The following FTO variants were observed in gnomAD, a reference collection of about 807,000 sequenced individuals.
FTO encodes alpha-ketoglutarate-dependent dioxygenase FTO.
A neutral mutation model predicts 63.9 loss-of-function variants in FTO; 47 were observed. The ratio of observed to expected loss-of-function variants is 0.74; its 90% confidence interval spans 0.58 to 0.94. FTO has a LOEUF of 0.94. Among genes scored for constraint, FTO ranks in the 40% least tolerant of loss-of-function variants. FTO has a pLI of 0.00. For synonymous variants in FTO, 207 were observed against 224.4 expected, an observed-to-expected ratio of 0.92 and a Z score of 0.69; for missense variants, 562 against 618.1, an observed-to-expected ratio of 0.91 and a Z score of 0.96.
chr16:53,770,404 G>A (rs1230813413), intron 1 of FTO, among the ~76,000 whole-genome samples: 2 of 152,006 alleles, frequency 1.3e-5, no homozygotes, highest in South Asian at 4.1e-4. Context: ...AAATTCAAAC[G>A]AAAAATCTTC....
intron 8 of FTO, among the ~76,000 whole-genome samples, chr16:53,940,662 C>G (rs997484111): frequency 6.6e-6 from 1 of 152,090 alleles, no homozygotes; most frequent in Admixed American, 6.5e-5. Flanking sequence ...TCATTTGGGT[C>G]GAAGGAGCCT....
intron 1 of FTO, among the ~76,000 whole-genome samples, chr16:53,805,794 G>T (rs1317223887): frequency 6.6e-6 from 1 of 152,180 alleles, no homozygotes. Context: ...TACTTTGCTA[G>T]AGCTGTGGAA....
At chr16:53,840,530 C>A (rs1164465477) in intron 3 of FTO, among the ~76,000 whole-genome samples, 1 of 152,162 alleles carries the variant, frequency 6.6e-6, no homozygotes, top group Non-Finnish European at 1.5e-5. Flanking sequence ...GGGCCAGAAA[C>A]AAGTACTTTT....
chr16:53,899,902 A>G (rs918636895), intron 7 of FTO, among the ~76,000 whole-genome samples: 2 of 152,228 alleles, frequency 1.3e-5, no homozygotes, highest in African/African-American at 4.8e-5. Flanking sequence ...GCTTATCTGA[A>G]TACATGAAGC....
intron 4 of FTO, among the ~76,000 whole-genome samples, chr16:53,868,925 G>A (rs759681182): frequency 2.0e-5 from 3 of 151,908 alleles, no homozygotes; most frequent in East Asian, 1.9e-4. Context: ...TCCGCCTCCC[G>A]GGTTCAAGCG....
rs578236526 is a variant in FTO at position 53,766,258 on chromosome 16, C to G, written c.46-43882C>G. Among the ~76,000 whole-genome samples, 9 of 152,290 alleles carry G rather than the reference C, an allele frequency of 5.9e-5. No individual in the cohort carries two copies. In the East Asian group the frequency reaches 7.7e-4, roughly 13 times the overall value. On this transcript the variant is annotated intron_variant, in intron 1 of 8. Coordinates refer to ENST00000471389, the MANE Select transcript of FTO (RefSeq NM_001080432.3). Reference sequence around the variant, plus strand: ...GTTTCTTTTTGGAGATGGGGTCTCACTCTGTTGCCCAGGCCGGAGTGCAGT... The same window carrying G: ...GTTTCTTTTTGGAGATGGGGTCTCAGTCTGTTGCCCAGGCCGGAGTGCAGT...
chr16:53,862,003 GCA>G (rs2080187815), intron 4 of FTO, among the ~76,000 whole-genome samples: 2 of 152,140 alleles, frequency 1.3e-5, no homozygotes, highest in South Asian at 4.1e-4. Flanking sequence ...TGTAATCCCA[GCA>G]CTTTGGGAGG....
At chr16:53,888,690 G>T in intron 6 of FTO, 142 bp from the exon 7 acceptor site, 2 of 878,292 alleles carry the variant, frequency 2.3e-6, no homozygotes, top group Admixed American at 3.4e-5. Context: ...CTTACACTGG[G>T]AACTGGTTAG....
chr16:53,968,988 A>G (rs2083257500), intron 8 of FTO, among the ~76,000 whole-genome samples: 2 of 152,172 alleles, frequency 1.3e-5, no homozygotes, highest in African/African-American at 4.8e-5. Context: ...ATGGGGCAAA[A>G]GTTATTATTT....
chr16:53,731,568 A>T (rs796982575), intron 1 of FTO, among the ~76,000 whole-genome samples: 1 of 151,944 alleles, frequency 6.6e-6, no homozygotes, highest in Non-Finnish European at 1.5e-5. Flanking sequence ...ATTTAATTTA[A>T]TTTAATTTAA....
chr16:53,811,339 C>T (rs1397775428), intron 2 of FTO, among the ~76,000 whole-genome samples: 1 of 152,200 alleles, frequency 6.6e-6, no homozygotes, highest in East Asian at 1.9e-4. Flanking sequence ...TAGGTCACAG[C>T]ATCTTTGTAT....
At chr16:53,850,809 C>G (rs1054694500) in intron 4 of FTO, among the ~76,000 whole-genome samples, 1 of 151,994 alleles carries the variant, frequency 6.6e-6, no homozygotes, top group Admixed American at 6.6e-5. Context: ...GCTTTTAAGG[C>G]TATGAAAATG....
At chr16:53,760,205 GGTGTGTGTGTGTGTGTGTGTGT>G (rs1173270081) in intron 1 of FTO, among the ~76,000 whole-genome samples, 2 of 125,592 alleles carry the variant, frequency 1.6e-5, no homozygotes, top group South Asian at 5.7e-4. Context: ...CTTCAGCTTT[GGTGTGTGTGTGTGTGTGTGTGT>G]GTGTGTGTGT....
rs553129067 is a variant in FTO, at chr16:54,028,711, G to T, written c.1365-83051G>T. 1.8e-4 allele frequency among the ~76,000 whole-genome samples: 27 copies of T among 152,040 alleles called. No individual in the cohort carries two copies. In the East Asian group the frequency reaches 2.1e-3, roughly 12 times the overall value. On this transcript the variant is annotated intron_variant, in intron 8 of 8. Transcript: ENST00000471389. ...TAGTGATGTAGATTGGTATTTTATT[G>T]TATACACTATATACAGTATTTAAAA...
At chr16:54,019,229 A>G (rs2084531449) in intron 8 of FTO, among the ~76,000 whole-genome samples, 1 of 152,148 alleles carries the variant, frequency 6.6e-6, no homozygotes, top group African/African-American at 2.4e-5. Flanking sequence ...CAAGACTGGC[A>G]AGGGAAATGG....
At chr16:53,885,632 A>T (rs1360064563) in intron 6 of FTO, among the ~76,000 whole-genome samples, 3 of 152,228 alleles carry the variant, frequency 2.0e-5, no homozygotes, top group Non-Finnish European at 2.9e-5. Context: ...CTTGTTTAGT[A>T]TGCATTCTTG....
intron 1 of FTO, among the ~76,000 whole-genome samples, chr16:53,780,920 CA>C (rs1325656315): frequency 6.6e-6 from 1 of 152,026 alleles, no homozygotes; most frequent in African/African-American, 2.4e-5. Context: ...TGTACATAAT[CA>C]AAAAATGTTA....
intron 8 of FTO, among the ~76,000 whole-genome samples, chr16:53,989,066 A>C (rs1479164774): frequency 6.6e-6 from 1 of 152,092 alleles, no homozygotes; most frequent in Non-Finnish European, 1.5e-5. Context: ...GGGTATGGCT[A>C]AGTAGCCCGC....
intron 7 of FTO, among the ~76,000 whole-genome samples, chr16:53,909,665 G>A (rs900675830): frequency 4.0e-5 from 6 of 148,356 alleles, no homozygotes; most frequent in Non-Finnish European, 8.9e-5. Context: ...CCAGGTTCAA[G>A]CGATTCTTCT....
Sources: allele counts gnomAD v4.1 joint callset (sites outside exome capture counted in the v4.1 genomes callset), GRCh38; gene constraint gnomAD v4.1.1; transcripts MANE v1.5; gene names NCBI Gene and HGNC (gene_info 2026-07-23, HGNC 2026-07-21).